DPYD: variants seen among roughly 807,000 people sequenced by gnomAD.
DPYD encodes dihydropyrimidine dehydrogenase [NADP(+)].
Under a neutral mutation model 116.2 loss-of-function variants are expected in DPYD, and 109 were observed. That is an observed-to-expected ratio of 0.94 (90% CI 0.80 to 1.10). DPYD has a LOEUF of 1.10. Ranked by LOEUF, DPYD falls within the 50% of genes least tolerant of loss-of-function variation. The pLI is 0.00. For synonymous variants in DPYD, 440 were observed against 432.0 expected (o/e 1.02, Z -0.23); for missense variants, 1,302 against 1,254.5 (o/e 1.04, Z -0.57).
chr1:97,695,059 A>G (rs1571204311), intron 6 of DPYD, among the ~76,000 whole-genome samples: 1 of 152,136 alleles, frequency 6.6e-6, no homozygotes, highest in Admixed American at 6.5e-5. Context: ...CCTCATTCCA[A>G]TTCCCCATAG....
Position 97,153,994 on chromosome 1 carries a change from T to A in DPYD, c.2622+39075A>T, listed in dbSNP as rs1401250712. Among the ~76,000 whole-genome samples, 1,344 of 142,266 alleles carry A rather than the reference T, an allele frequency of 9.4e-3. 13 individuals carry two copies. Among genetic ancestry groups the A allele is most frequent in the African/African-American group, 0.032 (1,249 of 39,170 alleles). 93.3% of individuals were successfully genotyped at this position (142,266 alleles called of 152,430 possible). On this transcript the variant is annotated intron_variant, in intron 20 of 22. Coordinates refer to ENST00000370192, the MANE Select transcript of DPYD (RefSeq NM_000110.4). ...TGATCAAAAAAAAAAAAAAAAGATG[T>A]TGGCGTGGATATCGTGATGTGATGA...
At chr1:97,905,499 C>G (rs896286860) in intron 1 of DPYD, among the ~76,000 whole-genome samples, 2 of 151,990 alleles carry the variant, frequency 1.3e-5, no homozygotes, top group African/African-American at 4.8e-5. Context: ...AATTCCAGTC[C>G]GGTAATCCAG....
At chr1:97,515,670 C>G in intron 13 of DPYD, 56 bp downstream of exon 13, 1 of 1,484,848 alleles carries the variant, frequency 6.7e-7, no homozygotes, top group Non-Finnish European at 9.3e-7. Context: ...AATGTTTATA[C>G]CTTAATTAAA....
chr1:97,798,438 C>T (rs1667687778), intron 3 of DPYD, among the ~76,000 whole-genome samples: 1 of 151,958 alleles, frequency 6.6e-6, no homozygotes, highest in Non-Finnish European at 1.5e-5. Context: ...ATCACTTACT[C>T]AGTGTATGAC....
At chr1:97,538,932 C>CA (rs1650216577) in intron 12 of DPYD, among the ~76,000 whole-genome samples, 1 of 151,996 alleles carries the variant, frequency 6.6e-6, no homozygotes, top group Non-Finnish European at 1.5e-5. Flanking sequence ...ATGAAATAAT[C>CA]AAAACATTAT....
intron 11 of DPYD, among the ~76,000 whole-genome samples, chr1:97,560,274 T>A (rs1557798998): frequency 6.6e-6 from 1 of 152,108 alleles, no homozygotes; most frequent in Non-Finnish European, 1.5e-5. Flanking sequence ...AGAATCAAAA[T>A]ATTTCTAAGC....
At chr1:97,109,844 A>T (rs1651462396) in intron 20 of DPYD, among the ~76,000 whole-genome samples, 1 of 143,012 alleles carries the variant, frequency 7.0e-6, no homozygotes, top group African/African-American at 2.5e-5. Context: ...AAGGAAGTAT[A>T]AGTTTTTTAA....
intron 12 of DPYD, among the ~76,000 whole-genome samples, chr1:97,519,771 C>T (rs1648502572): frequency 6.6e-6 from 1 of 151,952 alleles, no homozygotes; most frequent in African/African-American, 2.4e-5. Context: ...TCTTAAGCCA[C>T]CCCTCAGAAA....
At chr1:97,383,015 A>G (rs1452627341) in intron 14 of DPYD, among the ~76,000 whole-genome samples, 1 of 152,192 alleles carries the variant, frequency 6.6e-6, no homozygotes, top group Non-Finnish European at 1.5e-5. Flanking sequence ...ATTATTACAG[A>G]AATCCCATAA....
chr1:97,501,636 A>G (rs1679590777), intron 13 of DPYD, among the ~76,000 whole-genome samples: 1 of 151,918 alleles, frequency 6.6e-6, no homozygotes, highest in Admixed American at 6.6e-5. Flanking sequence ...ACTTGAGCTC[A>G]GGAGTTCAAG....
chr1:97,129,465 T>C (rs1004847939), intron 20 of DPYD, among the ~76,000 whole-genome samples: 1 of 152,146 alleles, frequency 6.6e-6, no homozygotes, highest in African/African-American at 2.4e-5. Flanking sequence ...ATCATTGATA[T>C]ATAGTAACAC....
chr1:97,893,101 T>C (rs1672856776), intron 1 of DPYD, among the ~76,000 whole-genome samples: 2 of 151,772 alleles, frequency 1.3e-5, no homozygotes, highest in Admixed American at 1.3e-4. Context: ...AACTAGGTTT[T>C]AGCCACTATT....
chr1:97,283,002 T>A (rs1304891863), intron 18 of DPYD, among the ~76,000 whole-genome samples: 1 of 152,176 alleles, frequency 6.6e-6, no homozygotes, highest in Non-Finnish European at 1.5e-5. Context: ...TTTGCTATTG[T>A]GAATAGTGCT....
intron 19 of DPYD, among the ~76,000 whole-genome samples, chr1:97,203,634 TA>T (rs796559944): frequency 2.9e-4 from 9 of 30,772 alleles, no homozygotes; most frequent in East Asian, 6.8e-4. Flanking sequence ...ATAAAAAAAA[TA>T]AAAAAAATAA....
chr1:97,623,441 G>C lies in DPYD; in HGVS notation c.851-28275C>G, dbSNP rs1571078804. Among the ~76,000 whole-genome samples the C allele has an allele frequency of 2.0e-5, 3 of 152,070 alleles. No individual in the cohort carries two copies. The East Asian group carries it at 5.8e-4, about 29-fold the overall frequency. On this transcript the variant is annotated intron_variant, in intron 8 of 22. Coordinates refer to ENST00000370192, the MANE Select transcript of DPYD (RefSeq NM_000110.4). ...TGCAGAATAACAGGAAATAAATTTG[G>C]GAACACAGTGTTCAATTGTTACCAA...
intron 20 of DPYD, among the ~76,000 whole-genome samples, chr1:97,115,217 A>G (rs1165317740): frequency 6.6e-6 from 1 of 152,202 alleles, no homozygotes; most frequent in Non-Finnish European, 1.5e-5. Context: ...CACACAGAAT[A>G]AAGGGTGGGT....
At chr1:97,364,732 G>C (rs1670934477) in intron 16 of DPYD, among the ~76,000 whole-genome samples, 1 of 152,138 alleles carries the variant, frequency 6.6e-6, no homozygotes, top group South Asian at 2.1e-4. Context: ...TGTCTGGGGG[G>C]TTGTAATAGT....
intron 14 of DPYD, among the ~76,000 whole-genome samples, chr1:97,387,693 G>A (rs1672431440): frequency 6.6e-6 from 1 of 152,082 alleles, no homozygotes; most frequent in African/African-American, 2.4e-5. Flanking sequence ...AAATGTGGAA[G>A]TGAGTAAAAG....
intron 11 of DPYD, among the ~76,000 whole-genome samples, chr1:97,567,577 G>A (rs1407697397): frequency 6.6e-6 from 1 of 152,102 alleles, no homozygotes; most frequent in Non-Finnish European, 1.5e-5. Flanking sequence ...CCGCTCTACT[G>A]AGCAGTGTGG....
Sources: allele counts gnomAD v4.1 joint callset (sites outside exome capture counted in the v4.1 genomes callset), GRCh38; gene constraint gnomAD v4.1.1; transcripts MANE v1.5; gene names NCBI Gene and HGNC (gene_info 2026-07-23, HGNC 2026-07-21).